PKD2L1: variants seen among roughly 807,000 people sequenced by gnomAD.
The protein encoded by PKD2L1 is polycystin 2 like 1, transient receptor potential cation channel, also known as polycystin-2-like protein 1.
In PKD2L1, 77 loss-of-function variants were observed where a neutral mutation model predicts 93.0. That is an observed-to-expected ratio of 0.83 (90% CI 0.69 to 1.00). The LOEUF (loss-of-function observed/expected upper bound fraction) is 1.00, where lower values mean the gene tolerates loss of function less well. PKD2L1 is among the 50% of genes least tolerant of loss of function. The pLI is 0.00. For synonymous variants in PKD2L1, 390 were observed against 388.0 expected (o/e 1.01, Z -0.06); for missense variants, 977 against 990.9 (o/e 0.99, Z 0.19).
chr10:100,294,665 C>G lies in PKD2L1; in HGVS notation c.1539-10G>C, dbSNP rs373569456. 2.9e-5 allele frequency: 47 copies of G among 1,613,914 alleles called. No homozygotes were observed. The African/African-American group carries it at 6.1e-4, about 21-fold the overall frequency. Reference sequence around the variant, plus strand: ...CCGGAACTGAGTGAAACTGAGAGACCAGGTCTGGGCTTTACCCAGAGCCTA... The same window carrying G: ...CCGGAACTGAGTGAAACTGAGAGACGAGGTCTGGGCTTTACCCAGAGCCTA... On this transcript the variant is annotated splice_polypyrimidine_tract_variant and intron_variant, in intron 8 of 15. Coordinates refer to ENST00000318222, the MANE Select transcript of PKD2L1 (RefSeq NM_016112.3).
chr10:100,298,429 G>A (rs1848599818), intron 4 of PKD2L1, 133 bp downstream of exon 4: 1 of 869,816 alleles, frequency 1.1e-6, no homozygotes, highest in South Asian at 1.7e-5. Flanking sequence ...TGGGATTCAG[G>A]GAGATGCCCC....
At chr10:100,328,895 C>G (rs943058226) in intron 2 of PKD2L1, among the ~76,000 whole-genome samples, 1 of 152,186 alleles carries the variant, frequency 6.6e-6, no homozygotes, top group African/African-American at 2.4e-5. Flanking sequence ...AGCCCACTCT[C>G]TACAGAAGGG....
chr10:100,324,557 T>C (rs1849334933), intron 2 of PKD2L1, among the ~76,000 whole-genome samples: 1 of 152,230 alleles, frequency 6.6e-6, no homozygotes, highest in Non-Finnish European at 1.5e-5. Context: ...GGCTTCTCTC[T>C]TGAAAGGTAT....
rs17112895 is a variant in PKD2L1 at position 100,297,505 on chromosome 10, C to A, written c.833G>T (p.Arg278Leu). Residue 278 changes from arginine (R) to leucine (L), a missense_variant, in exon 5 of 16, where the codon CGA becomes CTA. By Grantham distance (102) the Arg-to-Leu change is moderately radical. Transcript: ENST00000318222. ...CCGGAGAGCCTCTGCACTACCCTGTCGGGATCCTGGAAGGTCCAGGTAGTA... is the reference window on the plus strand; with the variant it reads ...CCGGAGAGCCTCTGCACTACCCTGTAGGGATCCTGGAAGGTCCAGGTAGTA... ...GGYYLDLPGS[R>L]QGSAEALRAL... is the part of the protein sequence containing the mutation. 6 of 1,613,970 alleles carry A rather than the reference C, an allele frequency of 3.7e-6. No individual in the cohort carries two copies. The African/African-American group carries it at 8.0e-5, about 22-fold the overall frequency.
At position 100,295,133 on chromosome 10, in the gene PKD2L1, C is replaced by T. The variant is rs1589662084; in HGVS notation, c.1357-10G>A. 2 of 1,609,116 alleles carry T rather than the reference C, an allele frequency of 1.2e-6. No individual in the cohort carries two copies. The highest frequency in any genetic ancestry group is 1.7e-6 in the Non-Finnish European group (2 of 1,176,370). ...TGATGTACTTGAATATCTGGAAGGACCATGTTGAACCAAGGGATGAAGAAG... is the reference window on the plus strand; with the variant it reads ...TGATGTACTTGAATATCTGGAAGGATCATGTTGAACCAAGGGATGAAGAAG... On this transcript the variant is annotated splice_polypyrimidine_tract_variant and intron_variant, in intron 7 of 15. Transcript: ENST00000318222.
At chr10:100,290,560 T>C in intron 12 of PKD2L1, 41 bp from the exon 13 acceptor site, 7 of 1,315,968 alleles carry the variant, frequency 5.3e-6, no homozygotes, top group Non-Finnish European at 7.6e-6. Flanking sequence ...GAGATAACTC[T>C]GGGAAGCCAT....
intron 2 of PKD2L1, among the ~76,000 whole-genome samples, chr10:100,303,159 A>G (rs1189188591): frequency 6.6e-6 from 1 of 150,412 alleles, no homozygotes; most frequent in Non-Finnish European, 1.5e-5. Context: ...TTTTCTTGCA[A>G]ATTTTCTTTA....
At chr10:100,301,454 G>GCC (rs55870246) in intron 2 of PKD2L1, among the ~76,000 whole-genome samples, 3,065 of 146,204 alleles carry the variant, frequency 0.021, 72 homozygotes, top group East Asian at 0.1. Context: ...CATTTTAGAG[G>GCC]CCCCCCCCCC....
chr10:100,291,260 T>A, intron 12 of PKD2L1, 41 bp downstream of exon 12: 1 of 1,595,562 alleles, frequency 6.3e-7, no homozygotes, highest in South Asian at 1.1e-5. Context: ...GAGGGTGAGC[T>A]ATTTCCTTAC....
intron 15 of PKD2L1, 93 bp downstream of exon 15, chr10:100,288,879 T>C (rs1848339531): frequency 2.7e-6 from 2 of 743,358 alleles, no homozygotes; most frequent in Non-Finnish European, 4.4e-6. Flanking sequence ...TGGGACCTGT[T>C]GTCCTAGAAG....
At chr10:100,303,326 T>TGGGATTACAGGCATGCAGCCTC (rs1848728486) in intron 2 of PKD2L1, among the ~76,000 whole-genome samples, 1 of 151,756 alleles carries the variant, frequency 6.6e-6, no homozygotes, top group African/African-American at 2.4e-5. Flanking sequence ...CCCGAGTAGC[T>TGGGATTACAGGCATGCAGCCTC]GGGATTACAG....
In PKD2L1 at chr10:100,297,605, A is replaced by AC; in HGVS notation, c.732dup (p.Trp245ValfsTer8). The AC allele has an allele frequency of 6.5e-7, 1 of 1,549,204 alleles. No individual in the cohort carries two copies. The highest frequency in any genetic ancestry group is 1.2e-5 in the South Asian group (1 of 82,458). On this transcript the variant is annotated frameshift_variant and splice_region_variant, in exon 5 of 16. Transcript: ENST00000318222. LOFTEE classifies it high-confidence loss of function. ...AACTCATCCTGCGAGTGGTATGTCC[A>AC]CCTGCCACAGAAAATGCCAGCTGAG...
intron 2 of PKD2L1, among the ~76,000 whole-genome samples, chr10:100,316,378 G>A (rs1247596788): frequency 6.6e-6 from 1 of 152,174 alleles, no homozygotes; most frequent in African/African-American, 2.4e-5. Context: ...CTCCATGTTG[G>A]TCAAGCTGGT....
At chr10:100,294,694 A>AAC (rs1848483190) in intron 8 of PKD2L1, 39 bp from the exon 9 acceptor site, 2 of 1,612,902 alleles carry the variant, frequency 1.2e-6, no homozygotes, top group African/African-American at 1.3e-5. Context: ...GAGCCTAACA[A>AAC]ACACCCCCCA....
chr10:100,298,446 T>C (rs1328813606), intron 4 of PKD2L1, 116 bp downstream of exon 4: 2 of 1,024,992 alleles, frequency 2.0e-6, no homozygotes, highest in Non-Finnish European at 2.9e-6. Context: ...CCCCCAGAAG[T>C]CCCTTAAAGA....
rs757848441 is a variant in PKD2L1 at position 100,294,580 on chromosome 10, AG to A, written c.1613del (p.Pro538LeufsTer16). The A allele has an allele frequency of 4.4e-6, 7 of 1,586,558 alleles. No homozygotes were observed. Among genetic ancestry groups the A allele is most frequent in the Non-Finnish European group, 6.1e-6 (7 of 1,156,192 alleles). On this transcript the variant is annotated frameshift_variant, in exon 9 of 16. Transcript: ENST00000318222. LOFTEE classifies it high-confidence loss of function. The part of the protein sequence containing the change: ...AIDNANRILG[P>X]AYFVTYVFFV... Reference sequence around the variant, plus strand: ...AGAAGACATAGGTGACAAAGTAGGCAGGGCCCAGGATGCGGTTGGCATTGTC... The same window carrying A: ...AGAAGACATAGGTGACAAAGTAGGCAGGCCCAGGATGCGGTTGGCATTGTC...
intron 2 of PKD2L1, among the ~76,000 whole-genome samples, chr10:100,308,295 C>T (rs1051996246): frequency 3.9e-5 from 6 of 152,048 alleles, no homozygotes; most frequent in African/African-American, 1.4e-4. Flanking sequence ...ATAGGAATTA[C>T]CATCTCCATT....
At chr10:100,289,550 A>G (rs559001001) in intron 14 of PKD2L1, among the ~76,000 whole-genome samples, 1 of 152,006 alleles carries the variant, frequency 6.6e-6, no homozygotes, top group Non-Finnish European at 1.5e-5. Flanking sequence ...AAATAATAAT[A>G]ATAATAAATA....
chr10:100,307,033 C>T (rs1482517211), intron 2 of PKD2L1, among the ~76,000 whole-genome samples: 1 of 151,972 alleles, frequency 6.6e-6, no homozygotes, highest in African/African-American at 2.4e-5. Flanking sequence ...TTAACTGGAA[C>T]GCCTGGTTCA....
Sources: allele counts gnomAD v4.1 joint callset (sites outside exome capture counted in the v4.1 genomes callset), GRCh38; gene constraint gnomAD v4.1.1; transcripts MANE v1.5; gene names NCBI Gene and HGNC (gene_info 2026-07-23, HGNC 2026-07-21).